The following HPSE2 variants were observed in gnomAD, a reference collection of about 807,000 sequenced individuals.
The protein encoded by HPSE2 is heparanase 2 (inactive), also known as inactive heparanase-2.
Under a neutral mutation model 60.5 loss-of-function variants are expected in HPSE2, and 38 were observed. The ratio of observed to expected loss-of-function variants is 0.63; its 90% CI spans 0.48 to 0.82. The LOEUF is 0.82. HPSE2 is among the 40% of genes least tolerant of loss of function. The pLI, the probability that HPSE2 is intolerant of heterozygous loss-of-function variation, is 0.00. For synonymous variants in HPSE2, 295 were observed against 293.2 expected (o/e 1.01, Z -0.06); for missense variants, 713 against 740.4 (o/e 0.96, Z 0.43).
intron 7 of HPSE2, among the ~76,000 whole-genome samples, chr10:98,627,569 T>C (rs1946250253): frequency 2.0e-5 from 3 of 152,266 alleles, no homozygotes; most frequent in Admixed American, 1.3e-4. Context: ...ATTTGAATTC[T>C]GGTTCTATTA....
intron 3 of HPSE2, among the ~76,000 whole-genome samples, chr10:98,756,905 T>C (rs1284634151): frequency 6.6e-6 from 1 of 152,098 alleles, no homozygotes; most frequent in Admixed American, 6.6e-5. Flanking sequence ...ATGTCTCTAA[T>C]GAACATAGAT....
At chr10:98,914,552 C>T (rs932271239) in intron 3 of HPSE2, among the ~76,000 whole-genome samples, 1 of 149,446 alleles carries the variant, frequency 6.7e-6, no homozygotes, top group Admixed American at 6.8e-5. Flanking sequence ...GCAAACACTT[C>T]TTAATCCAGG....
In HPSE2 at chr10:98,843,613, C is replaced by T. The variant is rs1440445877; in HGVS notation, c.611-99557G>A. On this transcript the variant is annotated intron_variant, in intron 3 of 11. Coordinates refer to ENST00000370552, the MANE Select transcript of HPSE2 (RefSeq NM_021828.5). ...TGAAAAGTTCTTCAAATTCCCTAAC[C>T]TACTTCCTGCTAAAATCTATTCCCA... Among the ~76,000 whole-genome samples, 3 of 152,146 alleles carry T rather than the reference C, an allele frequency of 2.0e-5. No individual in the cohort carries two copies. The East Asian group carries it at 5.8e-4, about 29-fold the overall frequency.
chr10:99,287,391 A>T, the HPSE2 span, among the ~76,000 whole-genome samples: 1 of 152,072 alleles, frequency 6.6e-6, no homozygotes, highest in Non-Finnish European at 1.5e-5. Flanking sequence ...CCAGGCCAAC[A>T]TGGAGTGTCC....
intron 9 of HPSE2, among the ~76,000 whole-genome samples, chr10:98,584,327 A>G (rs1321566430): frequency 1.3e-5 from 2 of 152,206 alleles, no homozygotes; most frequent in East Asian, 3.8e-4. Context: ...TAAGGGCAGA[A>G]ATAAGAAATT....
chr10:99,157,673 A>G (rs1320785081), intron 2 of HPSE2, among the ~76,000 whole-genome samples: 3 of 147,080 alleles, frequency 2.0e-5, no homozygotes, highest in Non-Finnish European at 3.0e-5. Context: ...AGGCATTACC[A>G]TTCAGGACAT....
intron 2 of HPSE2, among the ~76,000 whole-genome samples, chr10:99,160,603 T>C (rs1316308042): frequency 6.6e-6 from 1 of 152,116 alleles, no homozygotes; most frequent in African/African-American, 2.4e-5. Context: ...TATGTCCACA[T>C]AAAGATTTCT....
chr10:98,623,687 G>A (rs1946131190), intron 7 of HPSE2, among the ~76,000 whole-genome samples: 1 of 152,096 alleles, frequency 6.6e-6, no homozygotes, highest in African/African-American at 2.4e-5. Flanking sequence ...CACATTTAAA[G>A]TCATGAATTT....
At chr10:99,194,583 T>C (rs923934421) in intron 2 of HPSE2, among the ~76,000 whole-genome samples, 1 of 149,332 alleles carries the variant, frequency 6.7e-6, no homozygotes, top group African/African-American at 2.5e-5. Flanking sequence ...TTACAACTGA[T>C]ATTGCAGAAA....
chr10:98,804,017 C>A (rs1324580086), intron 3 of HPSE2, among the ~76,000 whole-genome samples: 1 of 151,742 alleles, frequency 6.6e-6, no homozygotes, highest in Non-Finnish European at 1.5e-5. Context: ...GTTTGTAGTT[C>A]TCCTTGAAGA....
intron 6 of HPSE2, among the ~76,000 whole-genome samples, chr10:98,676,134 T>C (rs1322614124): frequency 1.3e-5 from 2 of 152,138 alleles, no homozygotes; most frequent in African/African-American, 4.8e-5. Context: ...TTAACATCCA[T>C]ACATTTAACA....
chr10:99,310,719 G>A, the HPSE2 span, among the ~76,000 whole-genome samples: 2 of 151,960 alleles, frequency 1.3e-5, no homozygotes, highest in Non-Finnish European at 2.9e-5. Flanking sequence ...CTCTGCCTCT[G>A]GGGTTCAAGC....
At chr10:99,173,364 T>C (rs1258537617) in intron 2 of HPSE2, among the ~76,000 whole-genome samples, 1 of 152,148 alleles carries the variant, frequency 6.6e-6, no homozygotes, top group African/African-American at 2.4e-5. Context: ...TAGGAATAGC[T>C]ATACCTAGTA....
chr10:98,775,478 A>G (rs1950321344), intron 3 of HPSE2, among the ~76,000 whole-genome samples: 1 of 152,196 alleles, frequency 6.6e-6, no homozygotes. Context: ...GGCAAATGCA[A>G]TCTGTGATGA....
chr10:99,113,818 T>A (rs978436179), intron 3 of HPSE2, among the ~76,000 whole-genome samples: 13 of 152,252 alleles, frequency 8.5e-5, no homozygotes, highest in African/African-American at 3.1e-4. Context: ...GAATATACTG[T>A]GTATTAGTGA....
intron 3 of HPSE2, among the ~76,000 whole-genome samples, chr10:99,100,146 G>C (rs990749543): frequency 2.0e-5 from 3 of 152,214 alleles, no homozygotes. Flanking sequence ...GGTGGAGAAT[G>C]ACTTTGACAA....
intron 3 of HPSE2, among the ~76,000 whole-genome samples, chr10:98,946,466 C>T (rs1256123077): frequency 1.4e-5 from 2 of 138,906 alleles, no homozygotes; most frequent in Non-Finnish European, 3.0e-5. Flanking sequence ...GAGTGAGACC[C>T]TCACTCAAAA....
chr10:98,583,146 A>G (rs936759285), intron 9 of HPSE2, among the ~76,000 whole-genome samples: 1 of 152,136 alleles, frequency 6.6e-6, no homozygotes, highest in Admixed American at 6.6e-5. Context: ...GAGGCAGGGA[A>G]CCTAAGAACT....
intron 3 of HPSE2, among the ~76,000 whole-genome samples, chr10:98,888,780 C>T (rs1057338050): frequency 1.3e-5 from 2 of 152,114 alleles, no homozygotes; most frequent in Non-Finnish European, 2.9e-5. Context: ...TTTGAACATG[C>T]CATTTCTTCA....
Sources: allele counts gnomAD v4.1 joint callset (sites outside exome capture counted in the v4.1 genomes callset), GRCh38; gene constraint gnomAD v4.1.1; transcripts MANE v1.5; gene names NCBI Gene and HGNC (gene_info 2026-07-23, HGNC 2026-07-21).